Variants in KIAA2012 observed in about 807,000 individuals in gnomAD.
The protein encoded by KIAA2012 is uncharacterized protein KIAA2012.
In KIAA2012, 125 loss-of-function variants were observed where a neutral mutation model predicts 150.6. The observed-to-expected ratio is 0.83, with a 90% CI of 0.72 to 0.96. The LOEUF (loss-of-function observed/expected upper bound fraction) is 0.96, where lower values mean the gene tolerates loss of function less well. Among genes scored for constraint, KIAA2012 ranks in the 40% least tolerant of loss-of-function variants. The pLI, the probability that KIAA2012 is intolerant of heterozygous loss-of-function variation, is 0.00. For synonymous variants in KIAA2012, 462 were observed against 504.7 expected, an observed-to-expected ratio of 0.92 and a Z score of 1.13; for missense variants, 1,219 against 1,354.9, an observed-to-expected ratio of 0.90 and a Z score of 1.57.
intron 8 of KIAA2012, among the ~76,000 whole-genome samples, chr2:202,103,495 G>A (rs984124351): frequency 1.3e-5 from 2 of 151,952 alleles, no homozygotes; most frequent in Non-Finnish European, 2.9e-5. Flanking sequence ...AAAAAAACCT[G>A]GGTAAAAGGA....
intron 15 of KIAA2012, among the ~76,000 whole-genome samples, chr2:202,172,341 T>C (rs1691911171): frequency 6.6e-6 from 1 of 152,222 alleles, no homozygotes; most frequent in Non-Finnish European, 1.5e-5. Context: ...GACTCCATGC[T>C]CCTTGAATCT....
At chr2:202,197,888 G>A (rs968343603) in intron 22 of KIAA2012, 5 of 149,186 alleles carry the variant, frequency 3.4e-5, no homozygotes, top group African/African-American at 9.8e-5. Context: ...AAAAAGGCAG[G>A]GGCTGCCGGG....
At chr2:202,201,618 G>A in intron 22 of KIAA2012, 7 of 1,610,272 alleles carry the variant, frequency 4.3e-6, no homozygotes, top group African/African-American at 1.3e-5. Flanking sequence ...TGGATAATAA[G>A]CCATGGGGAT....
intron 15 of KIAA2012, among the ~76,000 whole-genome samples, chr2:202,170,448 G>A (rs139221546): frequency 9.9e-5 from 15 of 152,246 alleles, no homozygotes; most frequent in South Asian, 8.3e-4. Context: ...GGTTCAGGCC[G>A]TCTTAAGTCT....
At chr2:202,102,921 C>T (rs1426835807) in intron 7 of KIAA2012, 25 bp from the exon 8 acceptor site, 22 of 1,546,256 alleles carry the variant, frequency 1.4e-5, no homozygotes, top group Middle Eastern at 1.7e-4. Context: ...CTGCCATGAT[C>T]GTTTTGTTTT....
chr2:202,109,749 G>C lies in KIAA2012; in HGVS notation c.1611G>C (p.Pro537=). The change falls in exon 10 of 24, where the codon CCG becomes CCC. Residue 537 remains proline, a synonymous_variant. Coordinates refer to ENST00000498697, the MANE Select transcript of KIAA2012 (RefSeq NM_001277372.4). ...TSDHNSPPSL[P]NMRVPRRALP... is the part of the protein sequence containing the mutation. ...ACCACAACAGCCCCCCAAGTCTCCCGAACATGAGAGTGCCCAGGAGGGCAC... is the reference window on the plus strand; with the variant it reads ...ACCACAACAGCCCCCCAAGTCTCCCCAACATGAGAGTGCCCAGGAGGGCAC... 6.5e-7 allele frequency: 1 copy of C among 1,550,054 alleles called. No individual in the cohort carries two copies. Among genetic ancestry groups the C allele is most frequent in the Non-Finnish European group, 8.7e-7 (1 of 1,146,752 alleles).
At chr2:202,141,553 G>T (rs1181345914) in intron 13 of KIAA2012, among the ~76,000 whole-genome samples, 2 of 152,142 alleles carry the variant, frequency 1.3e-5, no homozygotes, top group African/African-American at 4.8e-5. Context: ...GGCATTTTTT[G>T]CATATTAATA....
At chr2:202,091,020 C>T in intron 3 of KIAA2012, 91 bp downstream of exon 3, 1 of 1,428,434 alleles carries the variant, frequency 7.0e-7, no homozygotes, top group Non-Finnish European at 9.3e-7. Context: ...ACCTGAAACA[C>T]CAGGATTTCA....
intron 15 of KIAA2012, among the ~76,000 whole-genome samples, chr2:202,171,993 C>A (rs1012474464): frequency 2.0e-5 from 3 of 152,024 alleles, no homozygotes; most frequent in African/African-American, 7.2e-5. Flanking sequence ...ATTGCAGGCG[C>A]CTGCCACCAC....
Position 202,194,210 on chromosome 2 carries a change from A to G in KIAA2012, c.3035A>G (p.Gln1012Arg), listed in dbSNP as rs775311333. 1.8e-5 allele frequency: 28 copies of G among 1,549,276 alleles called. No homozygotes were observed. Among genetic ancestry groups the G allele is most frequent in the Non-Finnish European group, 2.3e-5 (26 of 1,146,926 alleles). ...CTCAGCTTGAGGAAACAGAGACTCC[A>G]AGAAGAACAGCAGCGGCAGGAGGAG... ...EEIRLRKQRL[Q>R]EEQQRQEEEE... The change falls in exon 21 of 24, where the codon CAA becomes CGA. Residue 1012 changes from glutamine to arginine, a missense_variant. Physicochemically the swap from Gln to Arg is conservative, Grantham distance 43 (BLOSUM62 1). Coordinates refer to ENST00000498697, the MANE Select transcript of KIAA2012 (RefSeq NM_001277372.4).
At position 202,087,956 on chromosome 2, in the gene KIAA2012, C is replaced by G. The variant is rs532361483; in HGVS notation, c.370-2814C>G. On this transcript the variant is annotated intron_variant, in intron 2 of 23. Transcript: ENST00000498697. Reference sequence around the variant, plus strand: ...CTTCACTTTCCTGGATTCAACCAACCAGGGATGGAGAATATTCAGGAAAAA... The same window carrying G: ...CTTCACTTTCCTGGATTCAACCAACGAGGGATGGAGAATATTCAGGAAAAA... Among the ~76,000 whole-genome samples, 3 of 147,896 alleles carry G rather than the reference C, an allele frequency of 2.0e-5. No individual in the cohort carries two copies. In the South Asian group the frequency reaches 6.4e-4, roughly 32 times the overall value.
intron 4 of KIAA2012, 124 bp from the exon 5 acceptor site, chr2:202,097,311 G>C: frequency 7.0e-7 from 1 of 1,426,350 alleles, no homozygotes; most frequent in Non-Finnish European, 9.4e-7. Context: ...AAGGGAGGAG[G>C]GGGAGCAAGG....
At chr2:202,160,225 G>A (rs1027807606) in intron 14 of KIAA2012, among the ~76,000 whole-genome samples, 7 of 151,802 alleles carry the variant, frequency 4.6e-5, no homozygotes, top group African/African-American at 1.7e-4. Context: ...TCTAGCTGCA[G>A]AACCCAAGAA....
chr2:202,199,435 A>G (rs190607802), intron 22 of KIAA2012, among the ~76,000 whole-genome samples: 3 of 152,258 alleles, frequency 2.0e-5, no homozygotes, highest in East Asian at 3.9e-4. Flanking sequence ...CATGCTGGCT[A>G]GTTTTTATAT....
At position 202,196,861 on chromosome 2, in the gene KIAA2012, G is replaced by A. The variant is rs973893738; in HGVS notation, c.3249G>A (p.Leu1083=). The A allele has an allele frequency of 6.4e-7, 1 of 1,550,572 alleles. No homozygotes were observed. Among genetic ancestry groups the A allele is most frequent in the Non-Finnish European group, 8.7e-7 (1 of 1,147,010 alleles). ...AGTTAGAAGAAGAACAAAAACACCT[G>A]ATGGAAATGGCTGAAGAGGAACGAC... ...EMQLEEEQKH[L]MEMAEEERLE... is the part of the protein sequence containing the mutation. The change falls in exon 22 of 24, where the codon CTG becomes CTA. Residue 1083 remains leucine, a synonymous_variant. Transcript: ENST00000498697.
At chr2:202,102,618 C>T (rs1207409044) in intron 7 of KIAA2012, among the ~76,000 whole-genome samples, 2 of 152,194 alleles carry the variant, frequency 1.3e-5, no homozygotes, top group African/African-American at 4.8e-5. Flanking sequence ...CCAATCAGTT[C>T]AAAGAGATCT....
At chr2:202,078,481 G>A (rs1308111798) in intron 2 of KIAA2012, among the ~76,000 whole-genome samples, 4 of 151,986 alleles carry the variant, frequency 2.6e-5, no homozygotes, top group South Asian at 2.1e-4. Context: ...TAGAGATGGG[G>A]TCTAGCTCTG....
At position 202,094,017 on chromosome 2, in the gene KIAA2012, T is replaced by A. The variant is rs558661274; in HGVS notation, c.685+832T>A. ...AAGATTTTTGGCCAGGCTCAGTGGC[T>A]CATTCTGTAATCTCAACATTTTGGG... On this transcript the variant is annotated intron_variant, in intron 4 of 23. Transcript: ENST00000498697. 1.8e-4 allele frequency among the ~76,000 whole-genome samples: 27 copies of A among 152,330 alleles called. No homozygotes were observed. The East Asian group carries it at 5.0e-3, about 28-fold the overall frequency.
intron 2 of KIAA2012, among the ~76,000 whole-genome samples, chr2:202,086,753 C>T (rs1304219769): frequency 1.3e-5 from 2 of 152,160 alleles, no homozygotes; most frequent in African/African-American, 4.8e-5. Context: ...TGAACCCATG[C>T]ACTCTGGCCC....
Sources: allele counts gnomAD v4.1 joint callset (sites outside exome capture counted in the v4.1 genomes callset), GRCh38; gene constraint gnomAD v4.1.1; transcripts MANE v1.5; gene names NCBI Gene and HGNC (gene_info 2026-07-23, HGNC 2026-07-21).